Variants in PRKG1 observed in about 807,000 individuals in gnomAD.
The protein encoded by PRKG1 is protein kinase cGMP-dependent 1, also known as cGMP-dependent protein kinase 1.
A neutral mutation model predicts 88.1 loss-of-function variants in PRKG1; 35 were observed. That is an observed-to-expected ratio of 0.40 (90% CI 0.30 to 0.53). PRKG1 has a LOEUF of 0.53. Among genes scored for constraint, PRKG1 ranks in the 20% least tolerant of loss-of-function variants. The pLI, the probability that PRKG1 is intolerant of heterozygous loss-of-function variation, is 0.59. For synonymous variants in PRKG1, 303 were observed against 292.5 expected, an observed-to-expected ratio of 1.04 and a Z score of -0.37; for missense variants, 540 against 839.8, an observed-to-expected ratio of 0.64 and a Z score of 4.41.
At chr10:51,450,979 GTTA>G (rs1319440421) in intron 2 of PRKG1, among the ~76,000 whole-genome samples, 3 of 151,874 alleles carry the variant, frequency 2.0e-5, no homozygotes, top group African/African-American at 7.2e-5. Flanking sequence ...CTAACTAGGG[GTTA>G]TTAATCTTTT....
chr10:51,981,874 A>G (rs186798624), intron 5 of PRKG1, among the ~76,000 whole-genome samples: 1 of 152,266 alleles, frequency 6.6e-6, no homozygotes, highest in East Asian at 1.9e-4. Flanking sequence ...GCTGGGTTGG[A>G]GAAGTTCTCA....
intron 3 of PRKG1, among the ~76,000 whole-genome samples, chr10:51,762,022 A>G (rs1217602806): frequency 6.6e-6 from 1 of 152,128 alleles, no homozygotes; most frequent in Admixed American, 6.5e-5. Flanking sequence ...TTGATTATTA[A>G]ATTATGGATT....
rs140837542 is a variant in PRKG1 at position 51,708,787 on chromosome 10, G to A, written c.593-95798G>A. Among the ~76,000 whole-genome samples the A allele has an allele frequency of 3.0e-4, 46 of 152,300 alleles. No homozygotes were observed. In the East Asian group the frequency reaches 6.6e-3, roughly 22 times the overall value. On this transcript the variant is annotated intron_variant, in intron 3 of 17. Coordinates refer to ENST00000373980, the MANE Select transcript of PRKG1 (RefSeq NM_006258.4). Reference sequence around the variant, plus strand: ...GGGTAGTCAGCTGGAGCAGGAGGAAGCCTACAGACCTTTGCGGTGCCAGTT... The same window carrying A: ...GGGTAGTCAGCTGGAGCAGGAGGAAACCTACAGACCTTTGCGGTGCCAGTT...
intron 12 of PRKG1, among the ~76,000 whole-genome samples, chr10:52,279,446 A>T (rs2132445434): frequency 6.6e-6 from 1 of 152,302 alleles, no homozygotes; most frequent in Non-Finnish European, 1.5e-5. Flanking sequence ...GTTTCAGAAG[A>T]ATGATATTTT....
intron 3 of PRKG1, among the ~76,000 whole-genome samples, chr10:51,700,310 A>G (rs960438757): frequency 1.3e-5 from 2 of 152,168 alleles, no homozygotes; most frequent in African/African-American, 2.4e-5. Flanking sequence ...TGCTATTCCT[A>G]ATATTACGGT....
chr10:51,540,332 C>T (rs542070040), intron 3 of PRKG1, among the ~76,000 whole-genome samples: 79 of 152,258 alleles, frequency 5.2e-4, no homozygotes, highest in African/African-American at 1.9e-3. Context: ...AAAGCATTTA[C>T]ATTCACATCA....
At chr10:51,636,535 A>T (rs1245742716) in intron 3 of PRKG1, among the ~76,000 whole-genome samples, 1 of 152,228 alleles carries the variant, frequency 6.6e-6, no homozygotes, top group South Asian at 2.1e-4. Flanking sequence ...TGCATGATAT[A>T]AAACAGTGCT....
intron 2 of PRKG1, among the ~76,000 whole-genome samples, chr10:51,393,972 A>G (rs889944247): frequency 2.0e-5 from 3 of 152,200 alleles, no homozygotes; most frequent in Non-Finnish European, 4.4e-5. Context: ...AAATTAATAT[A>G]TGAAGAAATT....
At chr10:52,167,177 G>A (rs959522041) in intron 9 of PRKG1, among the ~76,000 whole-genome samples, 1 of 151,982 alleles carries the variant, frequency 6.6e-6, no homozygotes, top group Non-Finnish European at 1.5e-5. Context: ...TGTTCTTGGC[G>A]AGGCCACTGG....
At position 51,130,094 on chromosome 10, in the gene PRKG1, C is replaced by A. The variant is rs182477273; in HGVS notation, c.312-23070C>A. 2.1e-3 allele frequency among the ~76,000 whole-genome samples: 326 copies of A among 152,246 alleles called. 1 individual carries two copies. Among genetic ancestry groups the A allele is most frequent in the African/African-American group, 7.4e-3 (308 of 41,546 alleles). On this transcript the variant is annotated intron_variant, in intron 1 of 17. Coordinates refer to ENST00000373980, the MANE Select transcript of PRKG1 (RefSeq NM_006258.4). ...CAGGAAACGACTGGAAAACTGGGGA[C>A]CTGATTTGTTTAAAACTGAAGTAAA...
At chr10:51,179,278 A>G (rs1837281477) in intron 2 of PRKG1, among the ~76,000 whole-genome samples, 1 of 152,216 alleles carries the variant, frequency 6.6e-6, no homozygotes, top group Non-Finnish European at 1.5e-5. Context: ...AGTCAAGAAG[A>G]CATCTCCTGC....
intron 2 of PRKG1, among the ~76,000 whole-genome samples, chr10:51,198,578 T>C (rs1837832802): frequency 6.6e-6 from 1 of 152,190 alleles, no homozygotes; most frequent in Non-Finnish European, 1.5e-5. Context: ...GTACAATTGA[T>C]AAAGTATCTA....
intron 5 of PRKG1, among the ~76,000 whole-genome samples, chr10:51,958,299 T>A (rs1019033670): frequency 6.6e-6 from 1 of 150,450 alleles, no homozygotes; most frequent in African/African-American, 2.4e-5. Context: ...AAAAAAGACC[T>A]TAGAACTTTT....
At chr10:51,046,468 G>T (rs1418053784) in intron 1 of PRKG1, among the ~76,000 whole-genome samples, 1 of 152,192 alleles carries the variant, frequency 6.6e-6, no homozygotes, top group Non-Finnish European at 1.5e-5. Context: ...AGAAAGCCTA[G>T]GTTAGTATCA....
chr10:51,422,259 G>A (rs898035059), intron 2 of PRKG1, among the ~76,000 whole-genome samples: 2 of 152,196 alleles, frequency 1.3e-5, no homozygotes, highest in African/African-American at 4.8e-5. Flanking sequence ...TTCTGGTTTG[G>A]TTAAGAGATC....
intron 9 of PRKG1, among the ~76,000 whole-genome samples, chr10:52,182,777 C>T (rs1163751561): frequency 6.6e-6 from 1 of 150,584 alleles, no homozygotes; most frequent in Non-Finnish European, 1.5e-5. Flanking sequence ...GGGCTCTGTT[C>T]TGTTCCATTG....
intron 5 of PRKG1, among the ~76,000 whole-genome samples, chr10:52,017,969 T>C (rs1001513080): frequency 1.3e-5 from 2 of 152,158 alleles, no homozygotes; most frequent in African/African-American, 4.8e-5. Flanking sequence ...ATTGCACTTT[T>C]CTCCTATTTT....
intron 2 of PRKG1, among the ~76,000 whole-genome samples, chr10:51,241,028 G>A (rs1839138391): frequency 6.6e-6 from 1 of 152,170 alleles, no homozygotes; most frequent in Non-Finnish European, 1.5e-5. Flanking sequence ...TGAGCTGGGT[G>A]CTTACTATGT....
chr10:51,960,120 T>C (rs1843410349), intron 5 of PRKG1, among the ~76,000 whole-genome samples: 1 of 125,362 alleles, frequency 8.0e-6, no homozygotes, highest in Admixed American at 8.6e-5. Context: ...TACTTTGGTT[T>C]CCTTTTTTTT....
Sources: gnomAD v4.1 joint callset for allele counts (sites outside exome capture counted in the v4.1 genomes callset) on GRCh38, gnomAD v4.1.1 for gene constraint, MANE v1.5 for transcripts, NCBI Gene and HGNC (gene_info 2026-07-23, HGNC 2026-07-21) for gene names.